Variants in ARC observed in about 807,000 individuals in gnomAD.
ARC encodes activity regulated cytoskeleton associated protein.
A neutral mutation model predicts 20.0 loss-of-function variants in ARC; 10 were observed. That is an observed-to-expected ratio of 0.50 (90% confidence interval 0.31 to 0.85). The LOEUF is 0.85. ARC is among the 40% of genes least tolerant of loss of function. The pLI, the probability that ARC is intolerant of heterozygous loss-of-function variation, is 0.05. For missense variants in ARC, 454 were observed against 555.5 expected, an observed-to-expected ratio of 0.82 and a Z score of 1.84; for synonymous variants, 269 against 254.1, an observed-to-expected ratio of 1.06 and a Z score of -0.56.
Position 142,614,230 on chromosome 8 carries a change from G to A in ARC, c.42C>T (p.Tyr14=), listed in dbSNP as rs1846286329. The A allele has an allele frequency of 1.3e-6, 2 of 1,500,402 alleles. No homozygotes were observed. Among genetic ancestry groups the A allele is most frequent in the African/African-American group, 1.4e-5 (1 of 71,892 alleles). 92.9% of individuals were successfully genotyped at this position (1,500,402 alleles called of 1,614,324 possible). ...CCACCTGCCCGCCCCGCGGCCCGGG[G>A]TAGGCGTGGAGCCCGCCGCTGGTCC... ...DHRTSGGLHA[Y]PGPRGGQVAK... Residue 14 remains tyrosine, a synonymous_variant, in exon 1 of 3, where the codon TAC becomes TAT. Transcript: ENST00000356613.
rs1846270061 is a variant in ARC, at chr8:142,613,029, G to A, written c.*52C>T. 3 of 1,387,690 alleles carry A rather than the reference G, an allele frequency of 2.2e-6. No homozygotes were observed. Among genetic ancestry groups the A allele is most frequent in the Non-Finnish European group, 1.9e-6 (2 of 1,051,402 alleles). 86.0% of individuals were successfully genotyped at this position (1,387,690 alleles called of 1,614,324 possible). A position where few individuals can be genotyped will look rare whatever the true frequency, so the allele number is the denominator to read the frequency against. ...AGCCCCAGCTCAAAAGTCCTGGTGGGCAAAGCCACAGGCTGGATGTAGTGG... is the reference window on the plus strand; with the variant it reads ...AGCCCCAGCTCAAAAGTCCTGGTGGACAAAGCCACAGGCTGGATGTAGTGG... On this transcript the variant is annotated 3_prime_UTR_variant, in exon 1 of 3. Transcript: ENST00000356613.
rs766622368 is a variant in ARC at position 142,613,740 on chromosome 8, G to A, written c.532C>T (p.Pro178Ser). Residue 178 changes from proline to serine, a missense_variant, in exon 1 of 3, where the codon CCA (proline) becomes TCA (serine). Transcript: ENST00000356613. ...TGCCCGGGCAGCTCGCCAGCGGCTG[G>A]GGGCGGGGTGATGGCGTAGGGGCTG... ...TVSPYAITPP[P>S]AAGELPGQEP... The A allele has an allele frequency of 6.4e-7, 1 of 1,550,480 alleles. No individual in the cohort carries two copies. The highest frequency in any genetic ancestry group is 1.2e-5 in the South Asian group (1 of 86,878).
At position 142,613,228 on chromosome 8, in the gene ARC, G is replaced by A. The variant is rs1244459115; in HGVS notation, c.1044C>T (p.Leu348=). ...RHPLPKTLEQ[L]IQRGMEVQDD... Reference sequence around the variant, plus strand: ...CCTGCACCTCCATGCCCCTCTGGATGAGCTGCTCCAGGGTCTTGGGCAGGG... The same window carrying A: ...CCTGCACCTCCATGCCCCTCTGGATAAGCTGCTCCAGGGTCTTGGGCAGGG... The change falls in exon 1 of 3, where the codon CTC becomes CTT. Residue 348 remains leucine (L), a synonymous_variant. Coordinates refer to ENST00000356613, the MANE Select transcript of ARC (RefSeq NM_015193.5). 1 of 1,613,282 alleles carries A rather than the reference G, an allele frequency of 6.2e-7. No individual in the cohort carries two copies.
chr8:142,614,159 A>G lies in ARC; in HGVS notation c.113T>C (p.Met38Thr), dbSNP rs1468616465. The change falls in exon 1 of 3, where the codon ATG becomes ACG. Residue 38 changes from methionine (M) to threonine (T), a missense_variant. Physicochemically the swap from Met to Thr is moderately conservative, Grantham distance 81. Transcript: ENST00000356613. Reference protein sequence around the residue: ...ILQIGKCRAEMLEHVRRTHRH... With the variant: ...ILQIGKCRAETLEHVRRTHRH... ...GTGCGTCCGCCGCACGTGCTCCAGC[A>G]TCTCGGCCCGGCACTTCCCGATCTG... The G allele has an allele frequency of 1.3e-6, 2 of 1,581,970 alleles. No homozygotes were observed. Among genetic ancestry groups the G allele is most frequent in the African/African-American group, 2.7e-5 (2 of 74,474 alleles).
rs1395543187 is a variant in ARC at position 142,613,126 on chromosome 8, G to A, written c.1146C>T (p.Ala382=). The part of the protein sequence containing the change: ...VEDEAETLTP[A]PNSESVASDR... ...CACTGGCCACGGACTCGCTGTTGGG[G>A]GCGGGCGTGAGGGTCTCCGCCTCAT... The change falls in exon 1 of 3, where the codon GCC becomes GCT. Residue 382 remains alanine (A), a synonymous_variant. Coordinates refer to ENST00000356613, the MANE Select transcript of ARC (RefSeq NM_015193.5). 6.3e-7 allele frequency: 1 copy of A among 1,581,600 alleles called. No homozygotes were observed. Among genetic ancestry groups the A allele is most frequent in the South Asian group, 1.1e-5 (1 of 87,682 alleles).
In ARC at chr8:142,612,954, C is replaced by G. The variant is rs587666736; in HGVS notation, c.*127G>C. Reference sequence around the variant, plus strand: ...TGACACGAGTGTGTGCGAGTCCGCCCGGAGCTCGAGGGGGCACCCAGCTGG... The same window carrying G: ...TGACACGAGTGTGTGCGAGTCCGCCGGGAGCTCGAGGGGGCACCCAGCTGG... On this transcript the variant is annotated 3_prime_UTR_variant, in exon 1 of 3. Transcript: ENST00000356613. The G allele has an allele frequency of 4.0e-6, 3 of 756,702 alleles. No individual in the cohort carries two copies. The highest frequency in any genetic ancestry group is 3.5e-5 in the African/African-American group (2 of 56,810). 46.9% of individuals were successfully genotyped at this position (756,702 alleles called of 1,614,324 possible).
Position 142,613,717 on chromosome 8 carries a change from C to G in ARC, c.555G>C (p.Gly185=). The part of the protein sequence containing the change: ...TPPPAAGELP[G]QEPAEAQQYQ... ...ACTGCTGGGCCTCGGCGGGCTCCTG[C>G]CCGGGCAGCTCGCCAGCGGCTGGGG... is the stretch of plus-strand genomic sequence containing the variant. The change falls in exon 1 of 3, where the codon GGG becomes GGC. Residue 185 remains glycine, a synonymous_variant. Coordinates refer to ENST00000356613, the MANE Select transcript of ARC (RefSeq NM_015193.5). The G allele has an allele frequency of 6.4e-7, 1 of 1,557,274 alleles. No homozygotes were observed. The highest frequency in any genetic ancestry group is 1.1e-5 in the South Asian group (1 of 87,246).
rs1846284587 is a variant in ARC at position 142,614,067 on chromosome 8, C to T, written c.205G>A (p.Gly69Arg). ...CCGTCCAGGTTGCTCTCCAGCTTCC[C>T]GACCGACCGGTGCAGCCCCTTCAGC... ...RELKGLHRSV[G>R]KLESNLDGYV... Residue 69 changes from glycine (G) to arginine (R), a missense_variant, in exon 1 of 3, where the codon GGG becomes AGG. Physicochemically the swap from Gly to Arg is moderately radical, Grantham distance 125. This residue lies in a region of ARC where 265 missense variants were observed against 301.7 expected (regional missense o/e 0.88). Transcript: ENST00000356613. The T allele has an allele frequency of 1.2e-6, 2 of 1,602,516 alleles. No individual in the cohort carries two copies. The highest frequency in any genetic ancestry group is 2.7e-5 in the African/African-American group (2 of 74,904).
chr8:142,614,316 CAGAG>C lies in ARC; in HGVS notation c.-49_-46del. 1 of 1,351,102 alleles carries C rather than the reference CAGAG, an allele frequency of 7.4e-7. No homozygotes were observed. The highest frequency in any genetic ancestry group is 9.5e-7 in the Non-Finnish European group (1 of 1,053,974). 83.7% of individuals were successfully genotyped at this position (1,351,102 alleles called of 1,614,324 possible). Reference sequence around the variant, plus strand: ...CAGGCGGCAAACTCCTCGGGGCGGACAGAGGGTGGTCCGGCGCTGGGGTCCGGCG... The same window carrying C: ...CAGGCGGCAAACTCCTCGGGGCGGACGGTGGTCCGGCGCTGGGGTCCGGCG... On this transcript the variant is annotated 5_prime_UTR_variant, in exon 1 of 3. Coordinates refer to ENST00000356613, the MANE Select transcript of ARC (RefSeq NM_015193.5).
In ARC at chr8:142,612,832, G is replaced by T; in HGVS notation, c.*249C>A. On this transcript the variant is annotated 3_prime_UTR_variant, in exon 1 of 3. Transcript: ENST00000356613. ...GTGATGGCCTGAGAGTGTGGAGGGT[G>T]GGGTCCAGGCCGGAAAGACAGACGG... is the stretch of plus-strand genomic sequence containing the variant. The T allele has an allele frequency of 4.0e-6, 2 of 498,606 alleles. No homozygotes were observed. The highest frequency in any genetic ancestry group is 7.1e-6 in the Non-Finnish European group (2 of 281,032). The allele number at this position is 498,606 out of a possible 1,614,324, so 30.9% of individuals were successfully genotyped here. A position where few individuals can be genotyped will look rare whatever the true frequency, so the allele number is the denominator to read the frequency against.
Position 142,612,787 on chromosome 8 carries a change from T to A in ARC, c.*294A>T, listed in dbSNP as rs1394676282. 5.0e-6 allele frequency: 2 copies of A among 397,950 alleles called. No individual in the cohort carries two copies. Among genetic ancestry groups the A allele is most frequent in the East Asian group, 7.4e-5 (2 of 26,928 alleles). The allele number at this position is 397,950 out of a possible 1,614,324, so 24.7% of individuals were successfully genotyped here. The stretch of plus-strand genomic sequence containing the variant: ...AGAGGGCCTGGGTGTTGTAGCAGAA[T>A]GAGGAAGCTGGGGTGTTCTGTGATG... On this transcript the variant is annotated 3_prime_UTR_variant, in exon 1 of 3. Transcript: ENST00000356613.
chr8:142,614,291 C>T lies in ARC; in HGVS notation c.-20G>A. On this transcript the variant is annotated 5_prime_UTR_variant, in exon 1 of 3. Coordinates refer to ENST00000356613, the MANE Select transcript of ARC (RefSeq NM_015193.5). ...CTCCATCTGTGCGCAGGTGCTCCGG[C>T]AGGCGGCAAACTCCTCGGGGCGGAC... is the stretch of plus-strand genomic sequence containing the variant. The T allele has an allele frequency of 5.7e-6, 8 of 1,391,756 alleles. No individual in the cohort carries two copies. The highest frequency in any genetic ancestry group is 7.4e-6 in the Non-Finnish European group (8 of 1,077,768). The allele number at this position is 1,391,756 out of a possible 1,614,324, so 86.2% of individuals were successfully genotyped here. A position where few individuals can be genotyped will look rare whatever the true frequency, so the allele number is the denominator to read the frequency against.
At chr8:142,611,953 C>A in intron 2 of ARC, 96 bp from the exon 3 acceptor site, 1 of 153,064 alleles carries the variant, frequency 6.5e-6, no homozygotes, top group Non-Finnish European at 1.5e-5. Context: ...CGCTGGTCTT[C>A]CAAGGCAGAG....
rs1350486819 is a variant in ARC, at chr8:142,613,627, C to T, written c.645G>A (p.Glu215=). The T allele has an allele frequency of 2.0e-5, 32 of 1,578,330 alleles. No individual in the cohort carries two copies. The highest frequency in any genetic ancestry group is 2.4e-5 in the Non-Finnish European group (28 of 1,160,782). ...GGTGGCTCAGGAACTCTCGAGGGTCCTCGAAGATCTGCGTGTCCACGCCGG... is the reference window on the plus strand; with the variant it reads ...GGTGGCTCAGGAACTCTCGAGGGTCTTCGAAGATCTGCGTGTCCACGCCGG... ...PSPGVDTQIF[E]DPREFLSHLE... is the part of the protein sequence containing the mutation. The change falls in exon 1 of 3, where the codon GAG becomes GAA. Residue 215 remains glutamate, a synonymous_variant. Coordinates refer to ENST00000356613, the MANE Select transcript of ARC (RefSeq NM_015193.5).
In ARC at chr8:142,614,438, G is replaced by A; in HGVS notation, c.-167C>T. The A allele has an allele frequency of 5.9e-6, 3 of 505,290 alleles. No homozygotes were observed. The highest frequency in any genetic ancestry group is 9.1e-6 in the Non-Finnish European group (3 of 328,600). 31.3% of individuals were successfully genotyped at this position (505,290 alleles called of 1,614,324 possible). ...GAGCACGCCCGGGGAGGCAGGTCCG[G>A]CTCGGCTGCTGCGGAGGGAGGACGC... On this transcript the variant is annotated 5_prime_UTR_variant, in exon 1 of 3. Transcript: ENST00000356613.
At position 142,612,798 on chromosome 8, in the gene ARC, G is replaced by A. The variant is rs1846266330; in HGVS notation, c.*283C>T. ...GTGTTGTAGCAGAATGAGGAAGCTG[G>A]GGTGTTCTGTGATGGCCTGAGAGTG... On this transcript the variant is annotated 3_prime_UTR_variant, in exon 1 of 3. Coordinates refer to ENST00000356613, the MANE Select transcript of ARC (RefSeq NM_015193.5). 6 of 430,988 alleles carry A rather than the reference G, an allele frequency of 1.4e-5. 1 individual carries two copies. 26.7% of individuals were successfully genotyped at this position (430,988 alleles called of 1,614,324 possible).
rs1365433238 is a variant in ARC, at chr8:142,614,071, C to A, written c.201G>T (p.Ser67=). 7 of 1,601,724 alleles carry A rather than the reference C, an allele frequency of 4.4e-6. No homozygotes were observed. The highest frequency in any genetic ancestry group is 2.7e-5 in the African/African-American group (2 of 74,782). Residue 67 remains serine, a synonymous_variant, in exon 1 of 3, where the codon TCG becomes TCT. Coordinates refer to ENST00000356613, the MANE Select transcript of ARC (RefSeq NM_015193.5). The part of the protein sequence containing the change: ...VERELKGLHR[S]VGKLESNLDG... ...CCAGGTTGCTCTCCAGCTTCCCGAC[C>A]GACCGGTGCAGCCCCTTCAGCTCGC...
Position 142,614,113 on chromosome 8 carries a change from C to A in ARC, c.159G>T (p.Val53=). The A allele has an allele frequency of 6.3e-7, 1 of 1,592,184 alleles. No individual in the cohort carries two copies. Among genetic ancestry groups the A allele is most frequent in the Non-Finnish European group, 8.6e-7 (1 of 1,169,330 alleles). Reference sequence around the variant, plus strand: ...TCAGCTCGCGCTCCACCTGCTTGGACACCTCGGCCAGCAGGTGCCGGTGCG... The same window carrying A: ...TCAGCTCGCGCTCCACCTGCTTGGAAACCTCGGCCAGCAGGTGCCGGTGCG... ...RRTHRHLLAE[V]SKQVERELKG... is the part of the protein sequence containing the mutation. The change falls in exon 1 of 3, where the codon GTG becomes GTT. Residue 53 remains valine (V), a synonymous_variant. Coordinates refer to ENST00000356613, the MANE Select transcript of ARC (RefSeq NM_015193.5).
Position 142,614,308 on chromosome 8 carries a change from G to C in ARC, c.-37C>G, listed in dbSNP as rs774762968. The C allele has an allele frequency of 1.8e-5, 24 of 1,366,510 alleles. No individual in the cohort carries two copies. Among genetic ancestry groups the C allele is most frequent in the East Asian group, 2.8e-5 (1 of 35,208 alleles). 84.6% of individuals were successfully genotyped at this position (1,366,510 alleles called of 1,614,324 possible). A position where few individuals can be genotyped will look rare whatever the true frequency, so the allele number is the denominator to read the frequency against. On this transcript the variant is annotated 5_prime_UTR_variant, in exon 1 of 3. Coordinates refer to ENST00000356613, the MANE Select transcript of ARC (RefSeq NM_015193.5). ...TGCTCCGGCAGGCGGCAAACTCCTC[G>C]GGGCGGACAGAGGGTGGTCCGGCGC...
Sources: gnomAD v4.1 joint callset for allele counts on GRCh38, gnomAD v4.1.1 for gene constraint, gnomAD v4.1.1 regional missense constraint, MANE v1.5 for transcripts, NCBI Gene and HGNC (gene_info 2026-07-23, HGNC 2026-07-21) for gene names.